The following PROKR2 variants were observed in gnomAD, a reference collection of about 807,000 sequenced individuals.
PROKR2 encodes G protein-coupled receptor 73-like 1.
A neutral mutation model predicts 23.4 loss-of-function variants in PROKR2; 26 were observed. That is an observed-to-expected ratio of 1.11 (90% CI 0.81 to 1.54). The LOEUF (loss-of-function observed/expected upper bound fraction) is 1.54. PROKR2 is among the 40% of genes most tolerant of loss of function. The pLI is 0.00. For synonymous variants in PROKR2, 212 were observed against 201.2 expected, an observed-to-expected ratio of 1.05 and a Z score of -0.45; for missense variants, 453 against 511.5, an observed-to-expected ratio of 0.89 and a Z score of 1.10.
At position 5,301,597 on chromosome 20, in the gene PROKR2, A is replaced by G. The variant is rs1414826509; in HGVS notation, c.*443T>C. ...AGGGAAGATGGAGGGTGAACTATCT[A>G]TATATCTGGAGATAGCTTGGAAACT... On this transcript the variant is annotated 3_prime_UTR_variant, in exon 3 of 3. Transcript: ENST00000678254. Among the ~76,000 whole-genome samples the G allele has an allele frequency of 1.3e-5, 2 of 152,206 alleles. No homozygotes were observed. The highest frequency in any genetic ancestry group is 2.4e-5 in the African/African-American group (1 of 41,454).
chr20:5,304,575 C>T lies in PROKR2; in HGVS notation c.459-1839G>A, dbSNP rs918371531. ...CTGCAGACCAACTTTTGGGGGTTGGCGACTGGGCTGGTTTAGATGCACAAG... is the reference window on the plus strand; with the variant it reads ...CTGCAGACCAACTTTTGGGGGTTGGTGACTGGGCTGGTTTAGATGCACAAG... On this transcript the variant is annotated intron_variant, in intron 2 of 2. Coordinates refer to ENST00000678254, the MANE Select transcript of PROKR2 (RefSeq NM_144773.4). 5.9e-5 allele frequency among the ~76,000 whole-genome samples: 9 copies of T among 152,216 alleles called. 1 individual carries two copies. The highest frequency in any genetic ancestry group is 4.2e-4 in the South Asian group (2 of 4,814).
intron 2 of PROKR2, among the ~76,000 whole-genome samples, chr20:5,303,491 C>A (rs529847218): frequency 6.6e-6 from 1 of 152,310 alleles, no homozygotes; most frequent in East Asian, 1.9e-4. Context: ...CCTCCCTGGG[C>A]CATCTTGTGC....
intron 2 of PROKR2, among the ~76,000 whole-genome samples, chr20:5,308,459 C>T (rs982162528): frequency 2.4e-4 from 10 of 40,844 alleles, no homozygotes; most frequent in Non-Finnish European, 4.7e-4. Context: ...CCCTTTATTT[C>T]GGCCCATCCC....
At chr20:5,309,090 G>A (rs759116168) in intron 2 of PROKR2, among the ~76,000 whole-genome samples, 5 of 152,178 alleles carry the variant, frequency 3.3e-5, no homozygotes, top group Non-Finnish European at 4.4e-5. Flanking sequence ...AAATTAACCT[G>A]CATGACCTGC....
intron 2 of PROKR2, among the ~76,000 whole-genome samples, chr20:5,303,856 G>GC (rs1398584463): frequency 6.6e-6 from 1 of 152,070 alleles, no homozygotes; most frequent in Non-Finnish European, 1.5e-5. Context: ...TGGTAAACAG[G>GC]CCCCCCAAAA....
At chr20:5,312,437 T>C (rs1197299966) in intron 2 of PROKR2, among the ~76,000 whole-genome samples, 1 of 152,158 alleles carries the variant, frequency 6.6e-6, no homozygotes, top group Non-Finnish European at 1.5e-5. Flanking sequence ...AAATGATACT[T>C]TGCACCATTT....
chr20:5,312,623 T>C (rs2122220420), intron 2 of PROKR2, among the ~76,000 whole-genome samples: 1 of 152,238 alleles, frequency 6.6e-6, no homozygotes, highest in East Asian at 1.9e-4. Context: ...ATGAAAAATA[T>C]TAAACTGGCT....
chr20:5,300,215 G>C lies in PROKR2; in HGVS notation c.*1825C>G, dbSNP rs1978935527. On this transcript the variant is annotated 3_prime_UTR_variant, in exon 3 of 3. Coordinates refer to ENST00000678254, the MANE Select transcript of PROKR2 (RefSeq NM_144773.4). ...ATGTATAATACAAACAGATTCAGAA[G>C]TGATATTTATGCAGCACTAGGGTGC... is the stretch of plus-strand genomic sequence containing the variant. Among the ~76,000 whole-genome samples, 1 of 152,210 alleles carries C rather than the reference G, an allele frequency of 6.6e-6. No homozygotes were observed. The highest frequency in any genetic ancestry group is 1.5e-5 in the Non-Finnish European group (1 of 68,032).
Position 5,302,483 on chromosome 20 carries a change from T to G in PROKR2, c.712A>C (p.Thr238Pro). 6.2e-7 allele frequency: 1 copy of G among 1,614,208 alleles called. No homozygotes were observed. The highest frequency in any genetic ancestry group is 8.5e-7 in the Non-Finnish European group (1 of 1,180,032). The change falls in exon 3 of 3, where the codon ACC becomes CCC. Residue 238 changes from threonine to proline, a missense_variant. Thr to Pro is a conservative substitution (Grantham distance 38). Transcript: ENST00000678254. ...ATCCTGGCATAGCACAGGGTCATGG[T>G]GACCACAGGGCCCACGAACTCGACA... is the stretch of plus-strand genomic sequence containing the variant. ...FGVEFVGPVV[T>P]MTLCYARISR...
In PROKR2 at chr20:5,314,233, G is replaced by T. The variant is rs1194016064; in HGVS notation, c.137C>A (p.Thr46Asn). ...PMDEDEDMTK[T>N]RTFFAAKIVI... ...GATCTTGGCTGCGAAGAAGGTCCGGGTCTTGGTCATGTCCTCATCCTCATC... is the reference window on the plus strand; with the variant it reads ...GATCTTGGCTGCGAAGAAGGTCCGGTTCTTGGTCATGTCCTCATCCTCATC... Residue 46 changes from threonine to asparagine, a missense_variant, in exon 2 of 3, where the codon ACC (threonine) becomes AAC (asparagine). Transcript: ENST00000678254. The T allele has an allele frequency of 1.9e-6, 3 of 1,614,188 alleles. No homozygotes were observed. In the South Asian group the frequency reaches 3.3e-5, roughly 18 times the overall value.
intron 2 of PROKR2, 102 bp downstream of exon 2, chr20:5,313,810 G>T: frequency 3.0e-6 from 3 of 990,464 alleles, no homozygotes; most frequent in Non-Finnish European, 4.7e-6. Context: ...TCCAAAGATT[G>T]GTGAGCATTC....
chr20:5,313,024 A>G (rs1409750873), intron 2 of PROKR2, among the ~76,000 whole-genome samples: 1 of 152,262 alleles, frequency 6.6e-6, no homozygotes, highest in Non-Finnish European at 1.5e-5. Flanking sequence ...TGTTTCCAAC[A>G]CAAAGAAATG....
At chr20:5,307,359 A>G (rs1000414736) in intron 2 of PROKR2, among the ~76,000 whole-genome samples, 1 of 152,210 alleles carries the variant, frequency 6.6e-6, no homozygotes, top group Non-Finnish European at 1.5e-5. Flanking sequence ...GGGCATATTT[A>G]TCAATCTTGG....
At chr20:5,302,809 A>G in intron 2 of PROKR2, 73 bp from the exon 3 acceptor site, 1 of 1,144,700 alleles carries the variant, frequency 8.7e-7, no homozygotes, top group Non-Finnish European at 1.3e-6. Flanking sequence ...AACCCCAAAC[A>G]TACACTAAAG....
At chr20:5,305,124 A>C (rs952230370) in intron 2 of PROKR2, among the ~76,000 whole-genome samples, 6 of 93,410 alleles carry the variant, frequency 6.4e-5, no homozygotes, top group African/African-American at 1.9e-4. Flanking sequence ...AAAAAGGAAA[A>C]CATTGGGCTA....
chr20:5,305,344 G>A (rs1979178882), intron 2 of PROKR2, among the ~76,000 whole-genome samples: 1 of 152,212 alleles, frequency 6.6e-6, no homozygotes, highest in East Asian at 1.9e-4. Context: ...GGGAACCCCC[G>A]CAAAAGGTCC....
intron 2 of PROKR2, among the ~76,000 whole-genome samples, chr20:5,305,442 A>G (rs1027609470): frequency 2.0e-5 from 3 of 152,258 alleles, no homozygotes; most frequent in African/African-American, 7.2e-5. Context: ...GTACAAATAC[A>G]TACAGGAGTC....
Position 5,300,799 on chromosome 20 carries a change from G to A in PROKR2, c.*1241C>T, listed in dbSNP as rs1351843115. On this transcript the variant is annotated 3_prime_UTR_variant, in exon 3 of 3. Coordinates refer to ENST00000678254, the MANE Select transcript of PROKR2 (RefSeq NM_144773.4). The stretch of plus-strand genomic sequence containing the variant: ...TTAGCAAAATGCCCACAGAGATTAT[G>A]TTCATTGCCAGTGGCAACCTCCACT... Among the ~76,000 whole-genome samples, 1 of 152,172 alleles carries A rather than the reference G, an allele frequency of 6.6e-6. No individual in the cohort carries two copies. Among genetic ancestry groups the A allele is most frequent in the Non-Finnish European group, 1.5e-5 (1 of 68,028 alleles).
chr20:5,310,320 G>A (rs547522153), intron 2 of PROKR2, among the ~76,000 whole-genome samples: 37 of 152,156 alleles, frequency 2.4e-4, no homozygotes, highest in Middle Eastern at 3.4e-3. Context: ...CTTCTCTCTG[G>A]ATGGACCTGG....
Sources: allele counts gnomAD v4.1 joint callset (sites outside exome capture counted in the v4.1 genomes callset), GRCh38; gene constraint gnomAD v4.1.1; transcripts MANE v1.5; gene names NCBI Gene and HGNC (gene_info 2026-07-23, HGNC 2026-07-21).